The following ARHGAP39 variants were observed in gnomAD, a reference collection of about 807,000 sequenced individuals.
The protein encoded by ARHGAP39 is rho GTPase-activating protein 39.
Under a neutral mutation model 106.9 loss-of-function variants are expected in ARHGAP39, and 44 were observed. The ratio of observed to expected loss-of-function variants is 0.41; its 90% confidence interval spans 0.32 to 0.53. The LOEUF (loss-of-function observed/expected upper bound fraction) is 0.53. ARHGAP39 is among the 20% of genes least tolerant of loss of function. ARHGAP39 has a pLI of 0.21. For missense variants in ARHGAP39, 1,496 were observed against 1,577.3 expected (o/e 0.95, Z 0.87); for synonymous variants, 768 against 693.2 (o/e 1.11, Z -1.69).
chr8:144,684,726 C>T lies in ARHGAP39; in HGVS notation c.-82+960G>A, dbSNP rs1280663066. 6.6e-6 allele frequency among the ~76,000 whole-genome samples: 1 copy of T among 152,222 alleles called. No individual in the cohort carries two copies. Among genetic ancestry groups the T allele is most frequent in the Non-Finnish European group, 1.5e-5 (1 of 68,032 alleles). On this transcript the variant is annotated intron_variant, in intron 1 of 11. Transcript: ENST00000377307. This position sits in a 1 kb window ranked among gnomAD's most constrained non-coding sequence, Gnocchi z 4.4. Reference sequence around the variant, plus strand: ...GCCGCCTCCACCCACAGCACTCCAGCAACTGGGAAGCAACCGGGAAGCAAC... The same window carrying T: ...GCCGCCTCCACCCACAGCACTCCAGTAACTGGGAAGCAACCGGGAAGCAAC...
chr8:144,576,793 C>T (rs558390371), intron 3 of ARHGAP39, among the ~76,000 whole-genome samples: 5 of 152,246 alleles, frequency 3.3e-5, no homozygotes, highest in South Asian at 2.1e-4. Context: ...AAAATGTTAA[C>T]GCCAAGTCCG....
intron 3 of ARHGAP39, among the ~76,000 whole-genome samples, chr8:144,565,003 G>A (rs1051526431): frequency 4.6e-5 from 7 of 152,008 alleles, no homozygotes; most frequent in South Asian, 2.1e-4. Flanking sequence ...CTAGCTACTC[G>A]GGAGGCTGAG....
intron 2 of ARHGAP39, 65 bp from the exon 3 acceptor site, chr8:144,581,342 G>A: frequency 6.9e-7 from 1 of 1,446,172 alleles, no homozygotes; most frequent in Non-Finnish European, 9.3e-7. Flanking sequence ...TCCCACCCCT[G>A]CAGACCCCGG....
intron 3 of ARHGAP39, among the ~76,000 whole-genome samples, chr8:144,556,159 C>T: frequency 6.6e-6 from 1 of 151,970 alleles, no homozygotes; most frequent in East Asian, 1.9e-4. Flanking sequence ...GTGGCGGGCG[C>T]CTGTAGTCCC....
rs1325359010 is a variant in ARHGAP39 at position 144,670,255 on chromosome 8, G to A, written c.-82+15431C>T. 4.6e-5 allele frequency among the ~76,000 whole-genome samples: 7 copies of A among 151,972 alleles called. No homozygotes were observed. The highest frequency in any genetic ancestry group is 1.0e-4 in the Non-Finnish European group (7 of 67,998). The stretch of plus-strand genomic sequence containing the variant: ...GCTGGATGAGGGCCTGGGACCAGGC[G>A]GCTGTAAAAAGCAACAGAGCTCGGA... On this transcript the variant is annotated intron_variant, in intron 1 of 11. Transcript: ENST00000377307. The surrounding 1 kb of genome is among the most constrained non-coding windows in gnomAD (Gnocchi z 4.4).
intron 1 of ARHGAP39, among the ~76,000 whole-genome samples, chr8:144,643,227 T>C (rs1475567426): frequency 6.6e-6 from 1 of 152,074 alleles, no homozygotes; most frequent in Non-Finnish European, 1.5e-5. Flanking sequence ...TTTGGGAGGC[T>C]GAGGTGAGTG....
chr8:144,672,336 G>A (rs186450986), intron 1 of ARHGAP39, among the ~76,000 whole-genome samples: 336 of 152,318 alleles, frequency 2.2e-3, no homozygotes, highest in African/African-American at 7.6e-3. Context: ...GACCGTAACA[G>A]AAAACCACTA....
chr8:144,678,491 T>C (rs144176102), intron 1 of ARHGAP39, among the ~76,000 whole-genome samples: 1 of 152,166 alleles, frequency 6.6e-6, no homozygotes, highest in East Asian at 1.9e-4. Context: ...GAGCTTGGCT[T>C]AGTTTTGGAA....
At chr8:144,676,759 C>T (rs372168530) in intron 1 of ARHGAP39, among the ~76,000 whole-genome samples, 141 of 152,366 alleles carry the variant, frequency 9.3e-4, no homozygotes, top group African/African-American at 3.0e-3. Flanking sequence ...TCCCTCCACA[C>T]CTCTCTGCGA....
intron 3 of ARHGAP39, among the ~76,000 whole-genome samples, chr8:144,575,925 C>T (rs1206229152): frequency 1.3e-5 from 2 of 152,130 alleles, no homozygotes; most frequent in Non-Finnish European, 2.9e-5. Context: ...TCTATGAGAC[C>T]ACTCTCATAT....
chr8:144,638,819 G>A (rs1263915201), intron 1 of ARHGAP39, among the ~76,000 whole-genome samples: 1 of 152,064 alleles, frequency 6.6e-6, no homozygotes, highest in Admixed American at 6.6e-5. Context: ...TGGCTTTCTC[G>A]GATCTGCTCA....
intron 1 of ARHGAP39, among the ~76,000 whole-genome samples, chr8:144,672,891 A>C (rs1822133362): frequency 6.6e-6 from 1 of 152,116 alleles, no homozygotes; most frequent in Non-Finnish European, 1.5e-5. Flanking sequence ...CTGCACGGAG[A>C]CCAGTGTAGC....
At chr8:144,616,450 C>A (rs1219280125) in intron 1 of ARHGAP39, among the ~76,000 whole-genome samples, 1 of 152,248 alleles carries the variant, frequency 6.6e-6, no homozygotes, top group Non-Finnish European at 1.5e-5. Context: ...TCAGGCACTA[C>A]AAGGGTCAGA....
At chr8:144,567,442 G>A (rs371240199) in intron 3 of ARHGAP39, among the ~76,000 whole-genome samples, 2 of 152,298 alleles carry the variant, frequency 1.3e-5, no homozygotes, top group African/African-American at 2.4e-5. Context: ...TAGCAGTAGC[G>A]TCAGTATCAA....
Position 144,577,081 on chromosome 8 carries a change from G to A in ARHGAP39, c.512+3765C>T, listed in dbSNP as rs114982135. On this transcript the variant is annotated intron_variant, in intron 3 of 11. Coordinates refer to ENST00000377307, the MANE Select transcript of ARHGAP39 (RefSeq NM_025251.3). ...TAACCTCTACAACAGTCTAAATTCT[G>A]TACCTTTCAGTATCATCTCCTTTGG... is the stretch of plus-strand genomic sequence containing the variant. Among the ~76,000 whole-genome samples the A allele has an allele frequency of 2.2e-3, 330 of 152,312 alleles. 2 individuals are homozygous for A. Among genetic ancestry groups the A allele is most frequent in the African/African-American group, 7.5e-3 (313 of 41,562 alleles).
intron 1 of ARHGAP39, among the ~76,000 whole-genome samples, chr8:144,678,643 C>G (rs888587734): frequency 2.0e-5 from 3 of 152,236 alleles, no homozygotes; most frequent in Non-Finnish European, 2.9e-5. Context: ...AGCAGAGTCA[C>G]TCGCCTAGAC....
Position 144,532,298 on chromosome 8 carries a change from G to A in ARHGAP39, c.2980+7C>T. Reference sequence around the variant, plus strand: ...CCGCTCTGCTGCAGCGTGTGTGGGGGACTCACCAGGGACGTGGGGGTCTTC... The same window carrying A: ...CCGCTCTGCTGCAGCGTGTGTGGGGAACTCACCAGGGACGTGGGGGTCTTC... On this transcript the variant is annotated splice_region_variant and intron_variant, in intron 10 of 11. Coordinates refer to ENST00000377307, the MANE Select transcript of ARHGAP39 (RefSeq NM_025251.3). The A allele has an allele frequency of 1.2e-6, 2 of 1,612,274 alleles. No individual in the cohort carries two copies. The highest frequency in any genetic ancestry group is 1.1e-5 in the South Asian group (1 of 91,060).
At chr8:144,655,646 G>A (rs1342194969) in intron 1 of ARHGAP39, among the ~76,000 whole-genome samples, 1 of 152,136 alleles carries the variant, frequency 6.6e-6, no homozygotes, top group Non-Finnish European at 1.5e-5. Flanking sequence ...GTCACCCACT[G>A]CAGGTCTCCT....
At chr8:144,601,694 A>G (rs538484727) in intron 2 of ARHGAP39, among the ~76,000 whole-genome samples, 3 of 104,182 alleles carry the variant, frequency 2.9e-5, no homozygotes, top group African/African-American at 7.9e-5. Context: ...ACCTGTGTGC[A>G]TGTGTGTGGT....
Sources: gnomAD v4.1 joint callset for allele counts (sites outside exome capture counted in the v4.1 genomes callset) on GRCh38, gnomAD v4.1.1 for gene constraint, Gnocchi (gnomAD v3.1) non-coding constraint, MANE v1.5 for transcripts, NCBI Gene and HGNC (gene_info 2026-07-23, HGNC 2026-07-21) for gene names.